The following PHACTR2 variants were observed in gnomAD, a reference collection of about 807,000 sequenced individuals.
PHACTR2 encodes chromosome 6 open reading frame 56.
Under a neutral mutation model 76.0 loss-of-function variants are expected in PHACTR2, and 30 were observed. That is an observed-to-expected ratio of 0.39 (90% CI 0.30 to 0.54). The LOEUF is 0.54. Ranked by LOEUF, PHACTR2 falls within the 20% of genes least tolerant of loss-of-function variation. PHACTR2 has a pLI of 0.61. For missense variants in PHACTR2, 696 were observed against 781.1 expected (o/e 0.89, Z 1.30); for synonymous variants, 292 against 292.5 (o/e 1.00, Z 0.02).
Position 143,708,410 on chromosome 6 carries a change from A to G in PHACTR2, c.47-3606A>G, listed in dbSNP as rs907715630. ...CTCAAGTGTGAAAAGGTAAGTTCTG[A>G]TGAATGACAAGTTACTCTTAGTAAC... On this transcript the variant is annotated intron_variant, in intron 1 of 12. Coordinates refer to ENST00000440869, the MANE Select transcript of PHACTR2 (RefSeq NM_001100164.2). This position sits in a 1 kb window ranked among gnomAD's most constrained non-coding sequence, Gnocchi z 5.5. Among the ~76,000 whole-genome samples, 1 of 152,210 alleles carries G rather than the reference A, an allele frequency of 6.6e-6. No homozygotes were observed. The highest frequency in any genetic ancestry group is 2.4e-5 in the African/African-American group (1 of 41,454).
Position 143,678,714 on chromosome 6 carries a change from T to C in PHACTR2, c.46+505T>C, listed in dbSNP as rs572475504. On this transcript the variant is annotated intron_variant, in intron 1 of 12. Coordinates refer to ENST00000440869, the MANE Select transcript of PHACTR2 (RefSeq NM_001100164.2). This position sits in a 1 kb window ranked among gnomAD's most constrained non-coding sequence, Gnocchi z 6.2. The stretch of plus-strand genomic sequence containing the variant: ...ACTTAATAACTAGCCCCGAAATGCG[T>C]AATTGTTTCAAATGAGACTTGTTTT... Among the ~76,000 whole-genome samples the C allele has an allele frequency of 1.4e-4, 22 of 152,326 alleles. No homozygotes were observed. Among genetic ancestry groups the C allele is most frequent in the African/African-American group, 5.3e-4 (22 of 41,570 alleles).
intron 1 of PHACTR2, among the ~76,000 whole-genome samples, chr6:143,594,433 G>A (rs530424779): frequency 2.0e-5 from 3 of 152,246 alleles, no homozygotes; most frequent in African/African-American, 7.2e-5. Flanking sequence ...CACTCAGTGA[G>A]TGTCAGTGGA....
chr6:143,819,990 GA>G lies in PHACTR2; in HGVS notation c.1923-3682del, dbSNP rs1776378314. The stretch of plus-strand genomic sequence containing the variant: ...AAAGCCTCCAATCACGGCAGAAAGC[GA>G]AGGGGGAGCAGGCACATCACATGGC... On this transcript the variant is annotated intron_variant, in intron 12 of 12. Coordinates refer to ENST00000440869, the MANE Select transcript of PHACTR2 (RefSeq NM_001100164.2). The surrounding 1 kb of genome is among the most constrained non-coding windows in gnomAD (Gnocchi z 5.0). Among the ~76,000 whole-genome samples the G allele has an allele frequency of 6.6e-6, 1 of 152,176 alleles. No homozygotes were observed. The highest frequency in any genetic ancestry group is 1.5e-5 in the Non-Finnish European group (1 of 68,024).
chr6:143,681,440 G>A (rs960211200), intron 1 of PHACTR2, among the ~76,000 whole-genome samples: 1 of 151,664 alleles, frequency 6.6e-6, no homozygotes, highest in Non-Finnish European at 1.5e-5. Flanking sequence ...ATTTTAGTTG[G>A]ATAATTTGAC....
chr6:143,740,506 A>T lies in PHACTR2; in HGVS notation c.215-8479A>T, dbSNP rs9496766. On this transcript the variant is annotated intron_variant, in intron 2 of 12. Transcript: ENST00000440869. ...ACAACTATTACAAAACATCCTTTTA[A>T]TTAAAAAAAAAAAAAAAGGAAAAAA... Among the ~76,000 whole-genome samples, 168 of 20,152 alleles carry T rather than the reference A, an allele frequency of 8.3e-3. 2 individuals are homozygous for T. The highest frequency in any genetic ancestry group is 9.3e-3 in the South Asian group (4 of 428). 13.2% of individuals were successfully genotyped at this position (20,152 alleles called of 152,430 possible). A position where few individuals can be genotyped will look rare whatever the true frequency, so the allele number is the denominator to read the frequency against.
At chr6:143,638,887 G>T (rs1776515358) in intron 1 of PHACTR2, among the ~76,000 whole-genome samples, 1 of 152,032 alleles carries the variant, frequency 6.6e-6, no homozygotes, top group African/African-American at 2.4e-5. Context: ...CAATTTTCCT[G>T]CCCAATTGCA....
In PHACTR2 at chr6:143,775,669, CT is replaced by C. The variant is rs1775256191; in HGVS notation, c.1589+1455del. ...AAGAGAGTATATGCTTCTAGGTTTT[CT>C]GATTGTTTTATTACTCTTGTTTATG... On this transcript the variant is annotated intron_variant, in intron 8 of 12. Transcript: ENST00000440869. This position sits in a 1 kb window ranked among gnomAD's most constrained non-coding sequence, Gnocchi z 4.4. Among the ~76,000 whole-genome samples, 1 of 152,094 alleles carries C rather than the reference CT, an allele frequency of 6.6e-6. No homozygotes were observed. Among genetic ancestry groups the C allele is most frequent in the Non-Finnish European group, 1.5e-5 (1 of 68,006 alleles).
intron 12 of PHACTR2, among the ~76,000 whole-genome samples, chr6:143,810,823 C>T (rs973559096): frequency 2.0e-5 from 3 of 150,834 alleles, no homozygotes. Flanking sequence ...CAAAGTGAGA[C>T]CCTGTCTCAA....
Position 143,537,194 on chromosome 6 carries a change from C to T in PHACTR2, c.204C>T (p.His68=). 3.4e-6 allele frequency: 1 copy of T among 292,508 alleles called. No individual in the cohort carries two copies. The allele number at this position is 292,508 out of a possible 1,614,324, so 18.1% of individuals were successfully genotyped here. A position where few individuals can be genotyped will look rare whatever the true frequency, so the allele number is the denominator to read the frequency against. The change falls in exon 1 of 12, where the codon CAC becomes CAT. Residue 68 remains histidine (H), a synonymous_variant. Transcript: ENST00000367584. This position sits in a 1 kb window ranked among gnomAD's most constrained non-coding sequence, Gnocchi z 4.4. ...GCAGGGGCCGCCCGCTCCGGGTCCA[C>T]ATCTCCGGCTCAGGTAAGAGCGGCT...
intron 1 of PHACTR2, among the ~76,000 whole-genome samples, chr6:143,637,010 C>T (rs1029700766): frequency 6.6e-6 from 1 of 152,232 alleles, no homozygotes; most frequent in African/African-American, 2.4e-5. Context: ...ATTAGATGCT[C>T]TCAATCCAGA....
At position 143,591,513 on chromosome 6, in the gene PHACTR2, G is replaced by A. The variant is rs991722479; in HGVS notation, c.217+54306G>A. ...CTAAGGTGGTCCTTTCCCAGCCAGG[G>A]GTTATGTGTTTCCAAGAGCAGCATG... is the stretch of plus-strand genomic sequence containing the variant. On this transcript the variant is annotated intron_variant, in intron 1 of 11. Coordinates refer to the PHACTR2 transcript ENST00000367584. This position sits in a 1 kb window ranked among gnomAD's most constrained non-coding sequence, Gnocchi z 6.4. 6.6e-6 allele frequency among the ~76,000 whole-genome samples: 1 copy of A among 152,164 alleles called. No individual in the cohort carries two copies. Among genetic ancestry groups the A allele is most frequent in the Admixed American group, 6.5e-5 (1 of 15,272 alleles).
chr6:143,806,447 A>G lies in PHACTR2; in HGVS notation c.1846-610A>G, dbSNP rs1235464952. Among the ~76,000 whole-genome samples, 1 of 152,184 alleles carries G rather than the reference A, an allele frequency of 6.6e-6. No homozygotes were observed. The highest frequency in any genetic ancestry group is 1.5e-5 in the Non-Finnish European group (1 of 68,044). Reference sequence around the variant, plus strand: ...GGCAATATTCTATGTAGAACTTTCCATAGGAAAATGGTATTGCTTCTCAGA... The same window carrying G: ...GGCAATATTCTATGTAGAACTTTCCGTAGGAAAATGGTATTGCTTCTCAGA... On this transcript the variant is annotated intron_variant, in intron 11 of 12. Coordinates refer to ENST00000440869, the MANE Select transcript of PHACTR2 (RefSeq NM_001100164.2). The surrounding 1 kb of genome is among the most constrained non-coding windows in gnomAD (Gnocchi z 5.8).
rs1400212687 is a variant in PHACTR2, at chr6:143,548,722, A to T, written c.217+11515A>T. 6.6e-6 allele frequency among the ~76,000 whole-genome samples: 1 copy of T among 152,062 alleles called. No homozygotes were observed. The highest frequency in any genetic ancestry group is 1.9e-4 in the East Asian group (1 of 5,204). On this transcript the variant is annotated intron_variant, in intron 1 of 11. Transcript: ENST00000367584. The surrounding 1 kb of genome is among the most constrained non-coding windows in gnomAD (Gnocchi z 4.5). ...CCTTGTACCTGGGGCCCGGGGAGGT[A>T]AGAAATTGCAGGGCTTCTGGGAAGC...
At position 143,592,817 on chromosome 6, in the gene PHACTR2, G is replaced by A. The variant is rs1284585431; in HGVS notation, c.217+55610G>A. 6.6e-6 allele frequency among the ~76,000 whole-genome samples: 1 copy of A among 151,972 alleles called. No individual in the cohort carries two copies. Among genetic ancestry groups the A allele is most frequent in the African/African-American group, 2.4e-5 (1 of 41,330 alleles). On this transcript the variant is annotated intron_variant, in intron 1 of 11. Coordinates refer to the PHACTR2 transcript ENST00000367584. This position sits in a 1 kb window ranked among gnomAD's most constrained non-coding sequence, Gnocchi z 4.0. Reference sequence around the variant, plus strand: ...AATCCCAGCACTTTGGGAGGCCAAGGCGAGCAGATTACTTGAGCCTAGGAG... The same window carrying A: ...AATCCCAGCACTTTGGGAGGCCAAGACGAGCAGATTACTTGAGCCTAGGAG...
rs571685244 is a variant in PHACTR2, at chr6:143,684,781, T to G, written c.46+6572T>G. ...ACTTTAGCATGTATTTAATTCCCAC[T>G]CATTCTCTTACCTATGTGTCCTTCT... On this transcript the variant is annotated intron_variant, in intron 1 of 12. Coordinates refer to ENST00000440869, the MANE Select transcript of PHACTR2 (RefSeq NM_001100164.2). The surrounding 1 kb of genome is among the most constrained non-coding windows in gnomAD (Gnocchi z 4.3). Among the ~76,000 whole-genome samples, 7 of 152,300 alleles carry G rather than the reference T, an allele frequency of 4.6e-5. No homozygotes were observed. Among genetic ancestry groups the G allele is most frequent in the African/African-American group, 1.2e-4 (5 of 41,568 alleles).
In PHACTR2 at chr6:143,793,161, C is replaced by T. The variant is rs757463241; in HGVS notation, c.1845+4251C>T. Among the ~76,000 whole-genome samples, 4 of 152,326 alleles carry T rather than the reference C, an allele frequency of 2.6e-5. No homozygotes were observed. The highest frequency in any genetic ancestry group is 1.9e-4 in the East Asian group (1 of 5,184). ...GGGAGAGTCTAAATGACTAACCACC[C>T]TCATGTGGAAACTAAATTGTCCAAA... On this transcript the variant is annotated intron_variant, in intron 11 of 12. Coordinates refer to ENST00000440869, the MANE Select transcript of PHACTR2 (RefSeq NM_001100164.2). The surrounding 1 kb of genome is among the most constrained non-coding windows in gnomAD (Gnocchi z 4.4).
rs1314540427 is a variant in PHACTR2, at chr6:143,801,049, A to G, written c.1846-6008A>G. On this transcript the variant is annotated intron_variant, in intron 11 of 12. Coordinates refer to ENST00000440869, the MANE Select transcript of PHACTR2 (RefSeq NM_001100164.2). This position sits in a 1 kb window ranked among gnomAD's most constrained non-coding sequence, Gnocchi z 4.6. ...CCCACTCTCTTCTGGCTGGTAGGGT[A>G]TCTGCAGAGAGATCCACTGTTAGTC... is the stretch of plus-strand genomic sequence containing the variant. Among the ~76,000 whole-genome samples the G allele has an allele frequency of 2.6e-5, 4 of 152,174 alleles. No homozygotes were observed. Among genetic ancestry groups the G allele is most frequent in the African/African-American group, 4.8e-5 (2 of 41,454 alleles).
chr6:143,657,072 G>A (rs1776860978), intron 1 of PHACTR2, among the ~76,000 whole-genome samples: 1 of 151,030 alleles, frequency 6.6e-6, no homozygotes, highest in Admixed American at 6.6e-5. Flanking sequence ...ACCACACACT[G>A]GGGCCTGTTT....
Position 143,680,887 on chromosome 6 carries a change from G to T in PHACTR2, c.46+2678G>T, listed in dbSNP as rs1439485505. Among the ~76,000 whole-genome samples, 1 of 152,096 alleles carries T rather than the reference G, an allele frequency of 6.6e-6. No individual in the cohort carries two copies. Among genetic ancestry groups the T allele is most frequent in the African/African-American group, 2.4e-5 (1 of 41,428 alleles). Reference sequence around the variant, plus strand: ...GTCATTTTGTGACTGGCTTCTTTCAGTTAGCATAATGTTTTCAAGGGTCAT... The same window carrying T: ...GTCATTTTGTGACTGGCTTCTTTCATTTAGCATAATGTTTTCAAGGGTCAT... On this transcript the variant is annotated intron_variant, in intron 1 of 12. Coordinates refer to ENST00000440869, the MANE Select transcript of PHACTR2 (RefSeq NM_001100164.2). This position sits in a 1 kb window ranked among gnomAD's most constrained non-coding sequence, Gnocchi z 4.5.
Sources: gnomAD v4.1 joint callset for allele counts (sites outside exome capture counted in the v4.1 genomes callset) on GRCh38, gnomAD v4.1.1 for gene constraint, Gnocchi (gnomAD v3.1) non-coding constraint, MANE v1.5 for transcripts, NCBI Gene and HGNC (gene_info 2026-07-23, HGNC 2026-07-21) for gene names.